The following NCKAP5 variants were observed in gnomAD, a reference collection of about 807,000 sequenced individuals.
NCKAP5 encodes nck-associated protein 5.
A neutral mutation model predicts 167.0 loss-of-function variants in NCKAP5; 92 were observed. The observed-to-expected ratio is 0.55, with a 90% CI of 0.47 to 0.66. The LOEUF (loss-of-function observed/expected upper bound fraction) is 0.66, where lower values mean the gene tolerates loss of function less well. Ranked by LOEUF, NCKAP5 falls within the 30% of genes least tolerant of loss-of-function variation. The pLI is 0.00. For synonymous variants in NCKAP5, 891 were observed against 877.4 expected, an observed-to-expected ratio of 1.02 and a Z score of -0.27; for missense variants, 2,378 against 2,315.0, an observed-to-expected ratio of 1.03 and a Z score of -0.56.
chr2:132,858,524 T>C (rs1442352451), intron 11 of NCKAP5, among the ~76,000 whole-genome samples: 1 of 152,218 alleles, frequency 6.6e-6, no homozygotes, highest in African/African-American at 2.4e-5. Flanking sequence ...TGAAAAGCCA[T>C]GAGTGAAATA....
chr2:133,058,418 G>C (rs116350740), intron 6 of NCKAP5, among the ~76,000 whole-genome samples: 1,630 of 152,296 alleles, frequency 0.011, 19 homozygotes, highest in African/African-American at 0.036. Flanking sequence ...AAGAACATTT[G>C]TGATTCATGG....
At chr2:133,077,338 A>G (rs573259409) in intron 6 of NCKAP5, among the ~76,000 whole-genome samples, 3 of 152,322 alleles carry the variant, frequency 2.0e-5, no homozygotes, top group East Asian at 1.9e-4. Context: ...GGATGCTTCT[A>G]GACCAGAAAA....
At chr2:133,167,457 T>C (rs571470337) in intron 5 of NCKAP5, among the ~76,000 whole-genome samples, 2 of 152,318 alleles carry the variant, frequency 1.3e-5, no homozygotes, top group African/African-American at 4.8e-5. Flanking sequence ...TCACAAATCA[T>C]ATTAATATTA....
At chr2:133,581,231 G>C in the NCKAP5 span, among the ~76,000 whole-genome samples, 1 of 152,162 alleles carries the variant, frequency 6.6e-6, no homozygotes, top group African/African-American at 2.4e-5. Context: ...TGTCTCAGAT[G>C]CATTTGAGTT....
At chr2:133,371,535 T>C (rs1011423904) in intron 3 of NCKAP5, among the ~76,000 whole-genome samples, 2 of 152,224 alleles carry the variant, frequency 1.3e-5, no homozygotes. Context: ...AACACACTTG[T>C]GTGCAATGTT....
intron 19 of NCKAP5, among the ~76,000 whole-genome samples, chr2:132,686,851 A>G (rs1293721743): frequency 6.6e-6 from 1 of 152,224 alleles, no homozygotes; most frequent in Non-Finnish European, 1.5e-5. Context: ...AGGAAAATAG[A>G]CTTTGTTCTT....
chr2:132,989,075 TAGGAACAAG>T (rs1370524257), intron 7 of NCKAP5, among the ~76,000 whole-genome samples: 1 of 152,172 alleles, frequency 6.6e-6, no homozygotes, highest in Non-Finnish European at 1.5e-5. Flanking sequence ...TACAGAAAAG[TAGGAACAAG>T]AGGAAGCATG....
At chr2:132,889,645 T>C (rs755111554) in intron 8 of NCKAP5, among the ~76,000 whole-genome samples, 1 of 152,164 alleles carries the variant, frequency 6.6e-6, no homozygotes, top group South Asian at 2.1e-4. Flanking sequence ...AAGGTGCACA[T>C]TGGACTAAAT....
chr2:133,010,938 A>T (rs192426614), intron 6 of NCKAP5, among the ~76,000 whole-genome samples: 18 of 152,276 alleles, frequency 1.2e-4, no homozygotes, highest in East Asian at 1.2e-3. Context: ...ACTAATTTTT[A>T]AAAAAATGTC....
At chr2:133,026,437 T>C (rs1227525363) in intron 6 of NCKAP5, among the ~76,000 whole-genome samples, 1 of 152,010 alleles carries the variant, frequency 6.6e-6, no homozygotes, top group African/African-American at 2.4e-5. Context: ...CTCAGGAAAC[T>C]TCCCTGGCCT....
chr2:133,523,214 T>C (rs1363880904), intron 2 of NCKAP5, among the ~76,000 whole-genome samples: 1 of 152,016 alleles, frequency 6.6e-6, no homozygotes, highest in Non-Finnish European at 1.5e-5. Context: ...ATATACTTCG[T>C]TAACAGGCTG....
chr2:132,776,919 T>C (rs1173120372), intron 15 of NCKAP5, among the ~76,000 whole-genome samples: 1 of 152,140 alleles, frequency 6.6e-6, no homozygotes, highest in Non-Finnish European at 1.5e-5. Flanking sequence ...ACAGTCTCCA[T>C]GTGGGAAAGC....
intron 3 of NCKAP5, among the ~76,000 whole-genome samples, chr2:133,510,547 C>T (rs1198743058): frequency 6.6e-6 from 1 of 152,206 alleles, no homozygotes; most frequent in African/African-American, 2.4e-5. Context: ...ACCTCCATTC[C>T]TTTGTCAATT....
intron 12 of NCKAP5, among the ~76,000 whole-genome samples, chr2:132,791,819 A>C (rs1413437496): frequency 6.6e-6 from 1 of 152,224 alleles, no homozygotes; most frequent in African/African-American, 2.4e-5. Context: ...AAACTCCTAC[A>C]TCAGTACACA....
chr2:133,464,524 C>T (rs1692416930), intron 3 of NCKAP5, among the ~76,000 whole-genome samples: 1 of 152,082 alleles, frequency 6.6e-6, no homozygotes, highest in African/African-American at 2.4e-5. Context: ...CCAGTCTCTA[C>T]TAAAAATACA....
At chr2:133,584,929 CA>C in the NCKAP5 span, among the ~76,000 whole-genome samples, 2 of 85,148 alleles carry the variant, frequency 2.3e-5, no homozygotes, top group East Asian at 7.7e-4. Context: ...CTGTTCTTGC[CA>C]AAAAAAAGAA....
In NCKAP5 at chr2:133,087,523, T is replaced by C. The variant is rs900355809; in HGVS notation, c.341+42455A>G. On this transcript the variant is annotated intron_variant, in intron 6 of 19. Transcript: ENST00000409261. ...GTGGATGAAATGTGTTGTTTCTTAATGATCTAATTTGTATTCCAGCAGGAT... is the reference window on the plus strand; with the variant it reads ...GTGGATGAAATGTGTTGTTTCTTAACGATCTAATTTGTATTCCAGCAGGAT... 2.8e-4 allele frequency among the ~76,000 whole-genome samples: 42 copies of C among 152,212 alleles called. 2 individuals are homozygous for C. The highest frequency in any genetic ancestry group is 1.7e-3 in the Admixed American group (26 of 15,278).
chr2:132,916,579 G>A (rs1694897557), intron 8 of NCKAP5, among the ~76,000 whole-genome samples: 1 of 151,986 alleles, frequency 6.6e-6, no homozygotes, highest in South Asian at 2.1e-4. Context: ...CTGTATAAAA[G>A]GTTATTTGAA....
chr2:133,001,644 T>G (rs746827867), intron 6 of NCKAP5, among the ~76,000 whole-genome samples: 42 of 152,208 alleles, frequency 2.8e-4, no homozygotes, highest in Admixed American at 6.5e-5. Context: ...TGTAATCTTT[T>G]TCTACTGTGC....
Sources: gnomAD v4.1 joint callset for allele counts (sites outside exome capture counted in the v4.1 genomes callset) on GRCh38, gnomAD v4.1.1 for gene constraint, MANE v1.5 for transcripts, NCBI Gene and HGNC (gene_info 2026-07-23, HGNC 2026-07-21) for gene names.